DHX40: variants seen among roughly 807,000 people sequenced by gnomAD.
The protein encoded by DHX40 is probable ATP-dependent RNA helicase DHX40.
A neutral mutation model predicts 89.6 loss-of-function variants in DHX40; 28 were observed. That is an observed-to-expected ratio of 0.31 (90% confidence interval 0.23 to 0.43). The LOEUF (loss-of-function observed/expected upper bound fraction) is 0.43, where lower values mean the gene tolerates loss of function less well. Among genes scored for constraint, DHX40 ranks in the 20% least tolerant of loss-of-function variants. The pLI, the probability that DHX40 is intolerant of heterozygous loss-of-function variation, is 1.00. For missense variants in DHX40, 457 were observed against 844.0 expected, an observed-to-expected ratio of 0.54 and a Z score of 5.68; for synonymous variants, 226 against 283.6, an observed-to-expected ratio of 0.80 and a Z score of 2.04.
intron 2 of DHX40, among the ~76,000 whole-genome samples, chr17:59,568,221 C>G (rs1271778662): frequency 1.3e-5 from 2 of 151,880 alleles, no homozygotes; most frequent in African/African-American, 4.8e-5. Flanking sequence ...GAGTGAGACT[C>G]TGTGTCAAAA....
intron 17 of DHX40, 52 bp downstream of exon 17, chr17:59,605,726 G>A (rs543982981): frequency 1.3e-6 from 2 of 1,496,376 alleles, no homozygotes; most frequent in East Asian, 4.8e-5. Flanking sequence ...CTGCTTCCCA[G>A]TAGTACTTCA....
Position 59,607,110 on chromosome 17 carries a change from T to G in DHX40, c.2278T>G (p.Phe760Val). 2 of 1,614,150 alleles carry G rather than the reference T, an allele frequency of 1.2e-6. No homozygotes were observed. The highest frequency in any genetic ancestry group is 1.7e-6 in the Non-Finnish European group (2 of 1,180,028). ...DKSISDARARFLERKQQRTQD... is the reference protein window; with the variant it reads ...DKSISDARARVLERKQQRTQD... ...ATCCATATCTGATGCACGGGCTCGT[T>G]TCCTTGAGAGAAAGCAGCAGAGGAC... The change falls in exon 18 of 18, where the codon TTC becomes GTC. Residue 760 changes from phenylalanine (F) to valine (V), a missense_variant. By Grantham distance (50) the Phe-to-Val change is conservative (BLOSUM62 -1). Transcript: ENST00000251241.
intron 12 of DHX40, among the ~76,000 whole-genome samples, chr17:59,593,921 G>A (rs1309280564): frequency 6.7e-6 from 1 of 149,292 alleles, no homozygotes; most frequent in African/African-American, 2.4e-5. Context: ...CGGTCAGTCA[G>A]TGATTGGTCG....
At chr17:59,586,889 C>T (rs1384221888) in intron 11 of DHX40, among the ~76,000 whole-genome samples, 1 of 151,956 alleles carries the variant, frequency 6.6e-6, no homozygotes, top group Non-Finnish European at 1.5e-5. Context: ...CGTGGTGGCT[C>T]ACGCCTGTAA....
At chr17:59,567,199 T>A (rs2048718426) in intron 2 of DHX40, among the ~76,000 whole-genome samples, 1 of 152,222 alleles carries the variant, frequency 6.6e-6, no homozygotes, top group Admixed American at 6.5e-5. Context: ...ATCCCCTGAC[T>A]TTGCCAGCGC....
At position 59,575,448 on chromosome 17, in the gene DHX40, C is replaced by T. The variant is rs2048867374; in HGVS notation, c.950C>T (p.Pro317Leu). The change falls in exon 7 of 18, where the codon CCG (proline) becomes CTG (leucine). Residue 317 changes from proline (P) to leucine (L), a missense_variant. Around this residue, in one of 9 missense-constraint regions of DHX40, gnomAD observed 116 missense variants for 188.9 expected, o/e 0.61. Transcript: ENST00000251241. Reference protein sequence around the residue: ...DTTLDGLLILPCYGSMTTDQQ... With the variant: ...DTTLDGLLILLCYGSMTTDQQ... ...ACCCTCGATGGCTTGTTAATATTGC[C>T]GTGTTATGGATCAATGACAACAGGT... is the stretch of plus-strand genomic sequence containing the variant. The T allele has an allele frequency of 3.7e-6, 6 of 1,612,450 alleles. No individual in the cohort carries two copies. Among genetic ancestry groups the T allele is most frequent in the Non-Finnish European group, 4.2e-6 (5 of 1,179,430 alleles).
chr17:59,606,486 C>T (rs958408219), intron 17 of DHX40, among the ~76,000 whole-genome samples: 14 of 152,156 alleles, frequency 9.2e-5, no homozygotes, highest in Non-Finnish European at 1.6e-4. Context: ...GTGGCTCACG[C>T]CTGTAATCCC....
intron 17 of DHX40, among the ~76,000 whole-genome samples, chr17:59,606,195 C>T (rs927860314): frequency 2.0e-5 from 3 of 151,856 alleles, no homozygotes; most frequent in African/African-American, 7.3e-5. Context: ...CAGGCATGCA[C>T]CACCACGCCT....
intron 3 of DHX40, among the ~76,000 whole-genome samples, chr17:59,572,596 C>G (rs1048845419): frequency 1.3e-5 from 2 of 152,234 alleles, no homozygotes; most frequent in South Asian, 4.1e-4. Context: ...CCAGGCTGGT[C>G]TCGAACTCCT....
chr17:59,605,579 T>A lies in DHX40; in HGVS notation c.2105T>A (p.Phe702Tyr), dbSNP rs1407381086. The A allele has an allele frequency of 6.2e-7, 1 of 1,614,164 alleles. No homozygotes were observed. The highest frequency in any genetic ancestry group is 1.7e-5 in the Admixed American group (1 of 60,014). Residue 702 changes from phenylalanine to tyrosine, a missense_variant, in exon 17 of 18, where the codon TTT becomes TAT. Coordinates refer to ENST00000251241, the MANE Select transcript of DHX40 (RefSeq NM_024612.5). ...GACTTGTTACCCAAGTTGCATGAAT[T>A]TAATGCACATGATTTGAGCAGTGTG... is the stretch of plus-strand genomic sequence containing the variant. ...VRDLLPKLHE[F>Y]NAHDLSSVAR...
chr17:59,588,087 A>G lies in DHX40; in HGVS notation c.1582+34A>G, dbSNP rs754276615. 6 of 1,609,152 alleles carry G rather than the reference A, an allele frequency of 3.7e-6. No individual in the cohort carries two copies. The East Asian group carries it at 1.1e-4, about 30-fold the overall frequency. Reference sequence around the variant, plus strand: ...TTTATTTTAAGTTGTGTTTTTTAAAACTAATAGACTTGGCTGGGCACGGTG... The same window carrying G: ...TTTATTTTAAGTTGTGTTTTTTAAAGCTAATAGACTTGGCTGGGCACGGTG... On this transcript the variant is annotated intron_variant, in intron 12 of 17. Coordinates refer to ENST00000251241, the MANE Select transcript of DHX40 (RefSeq NM_024612.5).
chr17:59,585,822 T>G (rs553191540), intron 10 of DHX40, among the ~76,000 whole-genome samples: 17 of 143,004 alleles, frequency 1.2e-4, no homozygotes, highest in African/African-American at 3.7e-4. Context: ...TTTATAAAAG[T>G]TTGGAAAAAA....
chr17:59,597,948 A>G (rs1427174979), intron 12 of DHX40, among the ~76,000 whole-genome samples: 1 of 151,608 alleles, frequency 6.6e-6, no homozygotes, highest in African/African-American at 2.4e-5. Context: ...AAAAAAAAAA[A>G]AAAAACCTCC....
At chr17:59,575,517 T>G in intron 7 of DHX40, 46 bp downstream of exon 7, 1 of 1,596,420 alleles carries the variant, frequency 6.3e-7, no homozygotes, top group Non-Finnish European at 8.5e-7. Context: ...AAAAAAACTT[T>G]TTATTGAATA....
At chr17:59,566,859 G>T (rs2048712462) in intron 2 of DHX40, 65 bp downstream of exon 2, 7 of 1,410,526 alleles carry the variant, frequency 5.0e-6, no homozygotes, top group South Asian at 1.5e-5. Flanking sequence ...AAGGCCAGTA[G>T]GACTTCTGTA....
chr17:59,596,489 AC>A, intron 12 of DHX40, among the ~76,000 whole-genome samples: 1 of 152,148 alleles, frequency 6.6e-6, no homozygotes, highest in East Asian at 1.9e-4. Context: ...AGTCCCTTGA[AC>A]TTGGGAGGTG....
intron 14 of DHX40, among the ~76,000 whole-genome samples, chr17:59,601,701 A>G (rs921309945): frequency 5.9e-5 from 9 of 152,036 alleles, no homozygotes; most frequent in African/African-American, 2.2e-4. Context: ...ATACCTGATA[A>G]TTTTTCAGCG....
intron 7 of DHX40, among the ~76,000 whole-genome samples, chr17:59,576,555 A>G (rs1311835764): frequency 6.6e-6 from 1 of 152,148 alleles, no homozygotes; most frequent in Non-Finnish European, 1.5e-5. Context: ...TAGATGTGCT[A>G]TTTTGGAAAT....
At chr17:59,580,880 G>C (rs1394108080) in intron 10 of DHX40, among the ~76,000 whole-genome samples, 1 of 151,164 alleles carries the variant, frequency 6.6e-6, no homozygotes, top group Non-Finnish European at 1.5e-5. Flanking sequence ...CCAGGAGTTT[G>C]AGACCCGCCT....
Sources: gnomAD v4.1 joint callset for allele counts (sites outside exome capture counted in the v4.1 genomes callset) on GRCh38, gnomAD v4.1.1 for gene constraint, gnomAD v4.1.1 regional missense constraint, MANE v1.5 for transcripts, NCBI Gene and HGNC (gene_info 2026-07-23, HGNC 2026-07-21) for gene names.